The following TMEM65 variants were observed in gnomAD, a reference collection of about 807,000 sequenced individuals.
TMEM65 encodes transmembrane protein 65.
TMEM65 carries 22 observed loss-of-function variants against 25.4 expected under a neutral mutation model. The ratio of observed to expected loss-of-function variants is 0.86; its 90% CI spans 0.62 to 1.23. The LOEUF (loss-of-function observed/expected upper bound fraction) is 1.23. Ranked by LOEUF, TMEM65 falls within the 50% of genes most tolerant of loss-of-function variation. The pLI is 0.00. For missense variants in TMEM65, 262 were observed against 308.2 expected, an observed-to-expected ratio of 0.85 and a Z score of 1.12; for synonymous variants, 132 against 126.2, an observed-to-expected ratio of 1.05 and a Z score of -0.31.
In TMEM65 at chr8:124,320,211, T is replaced by C. The variant is rs1227400526; in HGVS notation, c.516-20A>G. 1 of 1,564,788 alleles carries C rather than the reference T, an allele frequency of 6.4e-7. No homozygotes were observed. Among genetic ancestry groups the C allele is most frequent in the Non-Finnish European group, 8.8e-7 (1 of 1,137,568 alleles). On this transcript the variant is annotated intron_variant, in intron 5 of 6. Transcript: ENST00000297632. ...GCAAGTCTTTGAAGAAACAAGACAA[T>C]ATGATATATAGGTTATGTTTCAATA...
chr8:124,329,366 T>C (rs1814404795), intron 2 of TMEM65, among the ~76,000 whole-genome samples: 1 of 151,934 alleles, frequency 6.6e-6, no homozygotes, highest in African/African-American at 2.4e-5. Context: ...ACATTTACAG[T>C]GAAGAGAAAG....
rs747498258 is a variant in TMEM65, at chr8:124,371,822, C to T, written c.304+32G>A. On this transcript the variant is annotated intron_variant, in intron 1 of 6. Coordinates refer to ENST00000297632, the MANE Select transcript of TMEM65 (RefSeq NM_194291.3). ...GGCGAGAAGAGGAGGGCGTCGGGGC[C>T]CCCGGGCTCGCCCCCCACCTGCCCC... The T allele has an allele frequency of 2.8e-5, 42 of 1,493,226 alleles. No individual in the cohort carries two copies. The East Asian group carries it at 1.2e-3, about 42-fold the overall frequency. 92.5% of individuals were successfully genotyped at this position (1,493,226 alleles called of 1,614,324 possible).
At chr8:124,320,065 T>C (rs756918065) in intron 6 of TMEM65, 21 bp downstream of exon 6, 2 of 1,590,898 alleles carry the variant, frequency 1.3e-6, no homozygotes, top group East Asian at 2.2e-5. Flanking sequence ...CTCATTATCA[T>C]AAACCATGTA....
chr8:124,355,755 A>T (rs991818893), intron 1 of TMEM65, among the ~76,000 whole-genome samples: 1 of 152,222 alleles, frequency 6.6e-6, no homozygotes, highest in African/African-American at 2.4e-5. Flanking sequence ...GCCCTAAATC[A>T]AAAGAGGGGC....
At chr8:124,327,978 CT>C (rs1355961455) in intron 2 of TMEM65, among the ~76,000 whole-genome samples, 2 of 151,938 alleles carry the variant, frequency 1.3e-5, no homozygotes, top group African/African-American at 4.8e-5. Context: ...TTTTTCCCCC[CT>C]CAAAATTCAT....
At chr8:124,371,734 G>C in intron 1 of TMEM65, 120 bp downstream of exon 1, 1 of 1,000,416 alleles carries the variant, frequency 1.0e-6, no homozygotes, top group Non-Finnish European at 1.4e-6. Flanking sequence ...CAGGCGAGGG[G>C]GGCGGAAGGG....
At chr8:124,327,827 G>T (rs1586459613) in intron 2 of TMEM65, among the ~76,000 whole-genome samples, 1 of 151,860 alleles carries the variant, frequency 6.6e-6, no homozygotes. Context: ...TTATAAAATC[G>T]ATTTCTGTAT....
At chr8:124,354,419 A>G (rs1814751849) in intron 1 of TMEM65, among the ~76,000 whole-genome samples, 2 of 152,212 alleles carry the variant, frequency 1.3e-5, no homozygotes, top group Admixed American at 1.3e-4. Context: ...TCCATACCAC[A>G]GTACTCCCGT....
intron 1 of TMEM65, among the ~76,000 whole-genome samples, chr8:124,371,635 G>C (rs1015346141): frequency 5.3e-5 from 8 of 152,224 alleles, no homozygotes; most frequent in Non-Finnish European, 1.0e-4. Flanking sequence ...CGGCTGCCTG[G>C]CACGACCCGC....
chr8:124,361,220 G>A (rs1383818069), intron 1 of TMEM65, among the ~76,000 whole-genome samples: 1 of 151,846 alleles, frequency 6.6e-6, no homozygotes, highest in Admixed American at 6.6e-5. Context: ...GGTCACTCAA[G>A]GTCAGGAGTT....
intron 2 of TMEM65, among the ~76,000 whole-genome samples, chr8:124,329,390 G>A (rs891171684): frequency 2.0e-5 from 3 of 151,820 alleles, no homozygotes; most frequent in African/African-American, 7.2e-5. Flanking sequence ...CTTAAGTACT[G>A]AAAAATAATG....
In TMEM65 at chr8:124,372,642, C is replaced by A. The variant is rs559333881; in HGVS notation, c.-485G>T. 2.4e-3 allele frequency: 382 copies of A among 161,104 alleles called. 1 individual carries two copies. Among genetic ancestry groups the A allele is most frequent in the African/African-American group, 8.1e-3 (327 of 40,480 alleles). The allele number at this position is 161,104 out of a possible 1,614,324, so 10.0% of individuals were successfully genotyped here. A position where few individuals can be genotyped will look rare whatever the true frequency, so the allele number is the denominator to read the frequency against. On this transcript the variant is annotated 5_prime_UTR_variant, in exon 1 of 7. Coordinates refer to ENST00000297632, the MANE Select transcript of TMEM65 (RefSeq NM_194291.3). Reference sequence around the variant, plus strand: ...CTGTAAGGTTCCCGAGCCCTCAAAGCAGCCGCGCTCCCGAGCCGCAGCCGC... The same window carrying A: ...CTGTAAGGTTCCCGAGCCCTCAAAGAAGCCGCGCTCCCGAGCCGCAGCCGC...
intron 1 of TMEM65, among the ~76,000 whole-genome samples, chr8:124,348,728 T>G (rs911924662): frequency 2.6e-5 from 4 of 152,220 alleles, no homozygotes; most frequent in Non-Finnish European, 5.9e-5. Context: ...CAGAGGTTTT[T>G]CGGTGTATGA....
intron 3 of TMEM65, among the ~76,000 whole-genome samples, chr8:124,324,182 C>T (rs1286102468): frequency 6.6e-6 from 1 of 152,018 alleles, no homozygotes; most frequent in Non-Finnish European, 1.5e-5. Flanking sequence ...AATACTGATG[C>T]TTGAACATTT....
At chr8:124,338,568 GA>G (rs1208433225) in intron 1 of TMEM65, among the ~76,000 whole-genome samples, 1 of 151,984 alleles carries the variant, frequency 6.6e-6, no homozygotes, top group Non-Finnish European at 1.5e-5. Flanking sequence ...ATCCTTAAAA[GA>G]AAGTTCCAAG....
chr8:124,371,919 T>C lies in TMEM65; in HGVS notation c.239A>G (p.His80Arg), dbSNP rs773153140. 6.5e-7 allele frequency: 1 copy of C among 1,540,606 alleles called. No homozygotes were observed. The highest frequency in any genetic ancestry group is 1.2e-5 in the South Asian group (1 of 83,792). Reference sequence around the variant, plus strand: ...GAGCAGGCAGCTCCTCTCCGTGGAGTGCAGGCTGTAGATGAAGTCGCGCGC... The same window carrying C: ...GAGCAGGCAGCTCCTCTCCGTGGAGCGCAGGCTGTAGATGAAGTCGCGCGC... Reference protein sequence around the residue: ...QGARDFIYSLHSTERSCLLKE... With the variant: ...QGARDFIYSLRSTERSCLLKE... The change falls in exon 1 of 7, where the codon CAC becomes CGC. Residue 80 changes from histidine to arginine, a missense_variant. By Grantham distance (29) the His-to-Arg change is conservative (BLOSUM62 0). Transcript: ENST00000297632.
At chr8:124,370,803 T>C (rs1227916220) in intron 1 of TMEM65, among the ~76,000 whole-genome samples, 1 of 152,238 alleles carries the variant, frequency 6.6e-6, no homozygotes, top group Non-Finnish European at 1.5e-5. Flanking sequence ...ATCAATGTGC[T>C]CTACACTTTG....
Position 124,372,678 on chromosome 8 carries a change from G to GCCA in TMEM65, c.-522_-521insTGG. 1.2e-5 allele frequency: 2 copies of GCCA among 164,068 alleles called. No homozygotes were observed. The highest frequency in any genetic ancestry group is 2.6e-5 in the Non-Finnish European group (2 of 76,056). The allele number at this position is 164,068 out of a possible 1,614,324, so 10.2% of individuals were successfully genotyped here. ...CCGAGCCGCAGCCGCCGCCGCCGCC[G>GCCA]CTACCCCTAGCGGCAGCAGAAGTGG... On this transcript the variant is annotated 5_prime_UTR_variant, in exon 1 of 7. Coordinates refer to ENST00000297632, the MANE Select transcript of TMEM65 (RefSeq NM_194291.3).
intron 1 of TMEM65, chr8:124,351,156 C>T: frequency 1.0e-6 from 1 of 953,082 alleles, no homozygotes; most frequent in Non-Finnish European, 1.2e-6. Context: ...ATGCATGCAA[C>T]AAAATAAATA....
Sources: allele counts gnomAD v4.1 joint callset (sites outside exome capture counted in the v4.1 genomes callset), GRCh38; gene constraint gnomAD v4.1.1; transcripts MANE v1.5; gene names NCBI Gene and HGNC (gene_info 2026-07-23, HGNC 2026-07-21).